Variants in GPR160 observed in about 807,000 individuals in gnomAD.
GPR160 encodes the protein G protein-coupled receptor 160, also known as probable G protein-coupled receptor 160.
A neutral mutation model predicts 2.6 loss-of-function variants in GPR160; 2 were observed. That is an observed-to-expected ratio of 0.77 (90% confidence interval 0.32 to 2.44). The LOEUF (loss-of-function observed/expected upper bound fraction) is 2.44. Among genes scored for constraint, GPR160 ranks in the 30% most tolerant of loss-of-function variants. GPR160 has a pLI of 0.11. For synonymous variants in GPR160, 130 were observed against 132.2 expected, an observed-to-expected ratio of 0.98 and a Z score of 0.12; for missense variants, 351 against 383.6, an observed-to-expected ratio of 0.91 and a Z score of 0.71.
intron 2 of GPR160, among the ~76,000 whole-genome samples, chr3:170,060,416 G>T (rs1042233916): frequency 6.6e-6 from 1 of 152,218 alleles, no homozygotes; most frequent in East Asian, 1.9e-4. Flanking sequence ...GTTATGCAAC[G>T]GATTGGTCTA....
chr3:170,048,099 G>C (rs1716806083), intron 2 of GPR160, among the ~76,000 whole-genome samples: 3 of 152,210 alleles, frequency 2.0e-5, no homozygotes, highest in African/African-American at 2.4e-5. Flanking sequence ...AAAGTGCTGG[G>C]ATTACAGGCG....
chr3:170,050,610 A>G (rs1413501231), intron 2 of GPR160, among the ~76,000 whole-genome samples: 1 of 152,106 alleles, frequency 6.6e-6, no homozygotes, highest in South Asian at 2.1e-4. Flanking sequence ...CTGCCAGTAT[A>G]CAATCAGTTC....
At chr3:170,080,453 TTCTC>T (rs1713069124) in intron 3 of GPR160, among the ~76,000 whole-genome samples, 1 of 152,224 alleles carries the variant, frequency 6.6e-6, no homozygotes, top group Non-Finnish European at 1.5e-5. Context: ...AGCTTTATGA[TTCTC>T]TTACATGTTC....
intron 2 of GPR160, among the ~76,000 whole-genome samples, chr3:170,065,498 A>G (rs1354989460): frequency 6.6e-6 from 1 of 152,124 alleles, no homozygotes; most frequent in African/African-American, 2.4e-5. Context: ...AATGCATCCC[A>G]TTTCCTGGAC....
chr3:170,075,734 C>G (rs982575855), intron 2 of GPR160, among the ~76,000 whole-genome samples: 1 of 152,222 alleles, frequency 6.6e-6, no homozygotes, highest in Non-Finnish European at 1.5e-5. Flanking sequence ...CCTCCATGGG[C>G]AGAAGCAGAG....
At chr3:170,067,211 C>T (rs1712386120) in intron 2 of GPR160, among the ~76,000 whole-genome samples, 4 of 152,092 alleles carry the variant, frequency 2.6e-5, no homozygotes, top group Admixed American at 2.6e-4. Flanking sequence ...TGCCATGTTT[C>T]CCAGGCTGGT....
chr3:170,050,922 G>A (rs2108315368), intron 2 of GPR160, among the ~76,000 whole-genome samples: 1 of 152,332 alleles, frequency 6.6e-6, no homozygotes, highest in South Asian at 2.1e-4. Context: ...ACGAGGTAAT[G>A]TTGCTATCTA....
At chr3:170,049,284 C>T (rs139103754) in intron 2 of GPR160, among the ~76,000 whole-genome samples, 32 of 152,300 alleles carry the variant, frequency 2.1e-4, no homozygotes, top group Non-Finnish European at 4.3e-4. Context: ...TCTTTCATGG[C>T]TGCAGGTGGT....
chr3:170,080,568 C>T (rs571458819), intron 3 of GPR160, among the ~76,000 whole-genome samples: 2 of 152,300 alleles, frequency 1.3e-5, no homozygotes, highest in African/African-American at 4.8e-5. Flanking sequence ...TGTGGACCTT[C>T]CTCATCCCCT....
At chr3:170,069,352 C>T (rs920303991) in intron 2 of GPR160, among the ~76,000 whole-genome samples, 2 of 152,198 alleles carry the variant, frequency 1.3e-5, no homozygotes, top group African/African-American at 2.4e-5. Flanking sequence ...AATTGGGTTG[C>T]GACTCTGCTT....
intron 2 of GPR160, among the ~76,000 whole-genome samples, chr3:170,063,552 C>CAAAAAAAAACAAAAAAAAAAAAA (rs1712106410): frequency 1.3e-5 from 1 of 78,926 alleles, no homozygotes; most frequent in East Asian, 3.4e-4. Flanking sequence ...ACAAAAAAAG[C>CAAAAAAAAACAAAAAAAAAAAAA]AAAAAAAAAA....
At chr3:170,060,210 G>C (rs1194163186) in intron 2 of GPR160, among the ~76,000 whole-genome samples, 1 of 152,152 alleles carries the variant, frequency 6.6e-6, no homozygotes, top group Non-Finnish European at 1.5e-5. Context: ...TTCAAAAGAA[G>C]AATGATGGCA....
chr3:170,047,597 T>G (rs976829455), intron 2 of GPR160, among the ~76,000 whole-genome samples: 2 of 152,210 alleles, frequency 1.3e-5, no homozygotes, highest in African/African-American at 4.8e-5. Flanking sequence ...GACACCTGCA[T>G]GCATATGTTT....
chr3:170,039,702 C>T (rs1716365710), intron 2 of GPR160, among the ~76,000 whole-genome samples: 1 of 152,158 alleles, frequency 6.6e-6, no homozygotes, highest in Non-Finnish European at 1.5e-5. Flanking sequence ...GAGCGAGACT[C>T]CGTCTCAAAA....
intron 2 of GPR160, among the ~76,000 whole-genome samples, chr3:170,043,399 C>G (rs991793466): frequency 3.3e-5 from 5 of 152,062 alleles, no homozygotes; most frequent in Admixed American, 6.5e-5. Flanking sequence ...CCAGGCTGGT[C>G]TCGGAACTCT....
At chr3:170,054,094 C>T (rs1039253179) in intron 2 of GPR160, among the ~76,000 whole-genome samples, 2 of 134,948 alleles carry the variant, frequency 1.5e-5, no homozygotes, top group African/African-American at 2.7e-5. Flanking sequence ...TAAAAAGCAG[C>T]GTTTGTGTGT....
At chr3:170,082,598 G>T (rs952546578) in intron 3 of GPR160, among the ~76,000 whole-genome samples, 3 of 144,634 alleles carry the variant, frequency 2.1e-5, no homozygotes, top group Non-Finnish European at 4.4e-5. Flanking sequence ...TTTCTTTCTT[G>T]TTTTTTTCTT....
At chr3:170,048,557 C>T (rs1716830386) in intron 2 of GPR160, among the ~76,000 whole-genome samples, 1 of 152,126 alleles carries the variant, frequency 6.6e-6, no homozygotes, top group Non-Finnish European at 1.5e-5. Context: ...TGATGTTGTA[C>T]ATCATTCCAA....
At chr3:170,071,120 T>C (rs185167379) in intron 2 of GPR160, among the ~76,000 whole-genome samples, 13 of 152,258 alleles carry the variant, frequency 8.5e-5, no homozygotes, top group Non-Finnish European at 1.5e-4. Flanking sequence ...ATACCCTTTA[T>C]TGCTAGGCTC....
Sources: allele counts gnomAD v4.1 joint callset (sites outside exome capture counted in the v4.1 genomes callset), GRCh38; gene constraint gnomAD v4.1.1; transcripts MANE v1.5; gene names NCBI Gene and HGNC (gene_info 2026-07-23, HGNC 2026-07-21).